Variants in ATAD2B observed in about 807,000 individuals in gnomAD.
The protein encoded by ATAD2B is ATPase family AAA domain containing 2B, also known as ATPase family AAA domain-containing protein 2B.
ATAD2B carries 40 observed loss-of-function variants against 167.6 expected under a neutral mutation model. The observed-to-expected ratio is 0.24, with a 90% CI of 0.19 to 0.31. ATAD2B has a LOEUF of 0.31. Ranked by LOEUF, ATAD2B falls within the 10% of genes least tolerant of loss-of-function variation. ATAD2B has a pLI of 1.00. For missense variants in ATAD2B, 1,242 were observed against 1,757.2 expected (o/e 0.71, Z 5.24); for synonymous variants, 579 against 596.5 (o/e 0.97, Z 0.43).
intron 22 of ATAD2B, among the ~76,000 whole-genome samples, chr2:23,781,597 G>A (rs985937531): frequency 3.3e-5 from 5 of 151,834 alleles, no homozygotes; most frequent in East Asian, 3.9e-4. Context: ...CCCAGGAGGC[G>A]GAGGTTGCAG....
downstream of ATAD2B, among the ~76,000 whole-genome samples, chr2:23,747,663 C>T (rs192808681): frequency 6.6e-6 from 1 of 152,066 alleles, no homozygotes; most frequent in African/African-American, 2.4e-5. Context: ...GGTATATATA[C>T]CAATTCCCCT....
chr2:23,856,685 A>AC (rs1274094414), intron 13 of ATAD2B, among the ~76,000 whole-genome samples: 1 of 151,960 alleles, frequency 6.6e-6, no homozygotes, highest in Non-Finnish European at 1.5e-5. Context: ...ATATGGCGAA[A>AC]CCCCATCTCT....
chr2:23,736,343 T>TC, the ATAD2B span, among the ~76,000 whole-genome samples: 3 of 151,802 alleles, frequency 2.0e-5, no homozygotes, highest in African/African-American at 7.3e-5. Flanking sequence ...AGGTTTTTAG[T>TC]CCCCCACTCT....
intron 23 of ATAD2B, among the ~76,000 whole-genome samples, chr2:23,764,736 C>A (rs1253243680): frequency 6.6e-6 from 1 of 152,084 alleles, no homozygotes; most frequent in Non-Finnish European, 1.5e-5. Flanking sequence ...TGTCCTAGAC[C>A]CCGCACCTCT....
intron 25 of ATAD2B, among the ~76,000 whole-genome samples, chr2:23,755,997 A>G (rs1572630156): frequency 6.6e-6 from 1 of 152,124 alleles, no homozygotes; most frequent in East Asian, 1.9e-4. Flanking sequence ...CACAACAATT[A>G]TCTTTATAGT....
At position 23,751,953 on chromosome 2, in the gene ATAD2B, T is replaced by C; in HGVS notation, c.*93A>G. ...GAGAGAGCACTTTACACCAAGGCTC[T>C]GCACATAATTGGTGCAATTTGAAAT... is the stretch of plus-strand genomic sequence containing the variant. On this transcript the variant is annotated 3_prime_UTR_variant, in exon 28 of 28. Transcript: ENST00000238789. The C allele has an allele frequency of 1.0e-6, 1 of 989,152 alleles. No homozygotes were observed. Among genetic ancestry groups the C allele is most frequent in the South Asian group, 1.5e-5 (1 of 68,192 alleles). The allele number at this position is 989,152 out of a possible 1,614,324, so 61.3% of individuals were successfully genotyped here.
rs1553440554 is a variant in ATAD2B at position 23,878,025 on chromosome 2, A to AAAG, written c.902-2122_902-2121insCTT. Reference sequence around the variant, plus strand: ...ACCCTATCTCCAAAGAAAAAAAAAAAAAAAAAAAAAAAAAGCAAAATGTAT... The same window carrying AAAG: ...ACCCTATCTCCAAAGAAAAAAAAAAAAAGAAAAAAAAAAAAAAGCAAAATGTAT... On this transcript the variant is annotated intron_variant, in intron 7 of 27. Coordinates refer to ENST00000238789, the MANE Select transcript of ATAD2B (RefSeq NM_017552.4). Among the ~76,000 whole-genome samples the AAAG allele has an allele frequency of 0.011, 1,139 of 106,836 alleles. 124 individuals carry two copies. In the East Asian group the frequency reaches 0.22, roughly 21 times the overall value. The allele number at this position is 106,836 out of a possible 152,430, so 70.1% of individuals were successfully genotyped here. A position where few individuals can be genotyped will look rare whatever the true frequency, so the allele number is the denominator to read the frequency against.
chr2:23,689,299 A>C, the ATAD2B span: 1 of 152,196 alleles, frequency 6.6e-6, no homozygotes, highest in Non-Finnish European at 1.5e-5. Flanking sequence ...CTCAGTCTAG[A>C]CAGCACCTGC....
chr2:23,740,465 A>T, the ATAD2B span, among the ~76,000 whole-genome samples: 1 of 152,008 alleles, frequency 6.6e-6, no homozygotes, highest in Non-Finnish European at 1.5e-5. Context: ...TGATTATCTC[A>T]ATAGATGCAG....
At chr2:23,762,900 C>T (rs1676929361) in intron 23 of ATAD2B, among the ~76,000 whole-genome samples, 1 of 151,832 alleles carries the variant, frequency 6.6e-6, no homozygotes, top group Admixed American at 6.6e-5. Flanking sequence ...TCTCTGTAAC[C>T]ACTTTTCTTC....
chr2:23,822,942 G>C (rs1462314133), intron 16 of ATAD2B, among the ~76,000 whole-genome samples: 1 of 86,850 alleles, frequency 1.2e-5, no homozygotes, highest in Non-Finnish European at 2.5e-5. Flanking sequence ...AAAAAAAAAA[G>C]GATTAGTAAG....
chr2:23,848,799 A>C (rs1056569973), intron 13 of ATAD2B, among the ~76,000 whole-genome samples: 1 of 152,218 alleles, frequency 6.6e-6, no homozygotes, highest in Non-Finnish European at 1.5e-5. Flanking sequence ...AAACCTAACC[A>C]TATCAATAAT....
intron 12 of ATAD2B, among the ~76,000 whole-genome samples, chr2:23,858,844 C>G (rs944625439): frequency 1.3e-5 from 2 of 151,864 alleles, no homozygotes; most frequent in Non-Finnish European, 2.9e-5. Context: ...ACAGTTAAAC[C>G]TGTCCCCTTC....
At chr2:23,906,366 G>A (rs568122750) in intron 1 of ATAD2B, among the ~76,000 whole-genome samples, 149 of 152,152 alleles carry the variant, frequency 9.8e-4, no homozygotes, top group African/African-American at 3.4e-3. Flanking sequence ...GTCATTTTCT[G>A]CTACACTATT....
intron 5 of ATAD2B, among the ~76,000 whole-genome samples, chr2:23,885,099 C>A (rs1698483223): frequency 6.6e-6 from 1 of 152,166 alleles, no homozygotes; most frequent in Non-Finnish European, 1.5e-5. Flanking sequence ...CAGCAACATA[C>A]TTTCTCCCTC....
intron 19 of ATAD2B, among the ~76,000 whole-genome samples, chr2:23,792,758 C>G (rs183919436): frequency 5.3e-5 from 8 of 151,772 alleles, no homozygotes; most frequent in Non-Finnish European, 1.0e-4. Flanking sequence ...GTCAGGAGAT[C>G]AAGACCATAC....
chr2:23,811,746 T>C (rs1205678445), intron 17 of ATAD2B, among the ~76,000 whole-genome samples: 2 of 151,900 alleles, frequency 1.3e-5, no homozygotes, highest in East Asian at 3.9e-4. Context: ...TAAAGTATAA[T>C]AAAAATAAAT....
In ATAD2B at chr2:23,819,859, C is replaced by T; in HGVS notation, c.2155G>A (p.Asp719Asn). 6.3e-7 allele frequency: 1 copy of T among 1,582,856 alleles called. No individual in the cohort carries two copies. The highest frequency in any genetic ancestry group is 2.2e-5 in the East Asian group (1 of 44,554). The change falls in exon 17 of 28, where the codon GAT becomes AAT. Residue 719 changes from aspartate to asparagine, a missense_variant. Around this residue, in one of 9 missense-constraint regions of ATAD2B, gnomAD observed 145 missense variants for 181.9 expected, o/e 0.80. Transcript: ENST00000238789. ...GATAAAGCATTTTCATCTTCACTAT[C>T]CTCTAAAATTAAAGTTTCTATATCT... is the stretch of plus-strand genomic sequence containing the variant. The part of the protein sequence containing the change: ...KEDIETLILE[D>N]SEDENALSIF...
chr2:23,803,313 T>TACAC (rs150446002), intron 18 of ATAD2B, among the ~76,000 whole-genome samples: 3,160 of 149,448 alleles, frequency 0.021, 120 homozygotes, highest in African/African-American at 0.071. Context: ...CATATGTGTG[T>TACAC]ACACACACAC....
Sources: allele counts gnomAD v4.1 joint callset (sites outside exome capture counted in the v4.1 genomes callset), GRCh38; gene constraint gnomAD v4.1.1; regional missense constraint gnomAD v4.1.1; transcripts MANE v1.5; gene names NCBI Gene and HGNC (gene_info 2026-07-23, HGNC 2026-07-21).